CDK11A: variants seen among roughly 807,000 people sequenced by gnomAD.
The protein encoded by CDK11A is cyclin-dependent kinase 11A.
Under a neutral mutation model 83.6 loss-of-function variants are expected in CDK11A, and 55 were observed. That is an observed-to-expected ratio of 0.66 (90% CI 0.53 to 0.82). The LOEUF is 0.82. CDK11A is among the 40% of genes least tolerant of loss of function. The pLI, the probability that CDK11A is intolerant of heterozygous loss-of-function variation, is 0.00. For missense variants in CDK11A, 564 were observed against 810.1 expected (o/e 0.70, Z 3.69); for synonymous variants, 247 against 302.7 (o/e 0.82, Z 1.91).
chr1:1,720,258 C>A (rs1249644302), intron 3 of CDK11A, among the ~76,000 whole-genome samples: 2 of 150,190 alleles, frequency 1.3e-5, no homozygotes, highest in Admixed American at 1.3e-4. Context: ...CCACGCCCGG[C>A]TAATTTTTTT....
chr1:1,721,565 T>C (rs36039898), intron 3 of CDK11A, 31 bp downstream of exon 3: 1,427,637 of 1,593,386 alleles, frequency 0.9, 649,734 homozygotes, highest in Non-Finnish European at 0.93. Context: ...CTGTGTACAG[T>C]TGGGTCTTGC....
At position 1,704,633 on chromosome 1, in the gene CDK11A, A is replaced by G. The variant is rs1644239799; in HGVS notation, c.1481T>C (p.Met494Thr). 1.9e-6 allele frequency: 3 copies of G among 1,598,458 alleles called. No homozygotes were observed. The highest frequency in any genetic ancestry group is 2.6e-6 in the Non-Finnish European group (3 of 1,171,840). ...TVREIVVGSN[M>T]DKIYIVMNYV... is the part of the protein sequence containing the mutation. ...GTTCATCACGATGTAGATCTTGTCC[A>G]TGTTGCTGCCCACCACAATCTCCTG... The change falls in exon 14 of 20, where the codon ATG becomes ACG. Residue 494 changes from methionine (M) to threonine (T), a missense_variant. By Grantham distance (81) the Met-to-Thr change is moderately conservative (BLOSUM62 -1). Transcript: ENST00000404249.
At chr1:1,724,141 G>C (rs1297586849) in intron 1 of CDK11A, 117 bp downstream of exon 1, 1 of 149,930 alleles carries the variant, frequency 6.7e-6, no homozygotes, top group Non-Finnish European at 1.5e-5. Context: ...GCGGAAGCGA[G>C]GGTGTCGCTC....
chr1:1,720,757 T>C (rs1477186457), intron 3 of CDK11A, among the ~76,000 whole-genome samples: 1 of 149,256 alleles, frequency 6.7e-6, no homozygotes, highest in East Asian at 2.0e-4. Flanking sequence ...AGAGGCACAA[T>C]CTTGGCTCAC....
intron 9 of CDK11A, among the ~76,000 whole-genome samples, 161 bp from the exon 10 acceptor site, chr1:1,708,406 C>T (rs1390769705): frequency 6.7e-6 from 1 of 149,712 alleles, no homozygotes; most frequent in African/African-American, 2.5e-5. Flanking sequence ...TTTGGGAGGC[C>T]GAGGCGGGTG....
chr1:1,703,615 T>G lies in CDK11A; in HGVS notation c.1921A>C (p.Thr641Pro), dbSNP rs1644174144. 1.3e-6 allele frequency: 2 copies of G among 1,596,320 alleles called. No homozygotes were observed. Among genetic ancestry groups the G allele is most frequent in the African/African-American group, 1.4e-5 (1 of 70,844 alleles). ...CCGGGCCAGATTTTCTCACTGGGGG[T>G]CCCCAGCTCCTGAAAGACAGAGGTG... is the stretch of plus-strand genomic sequence containing the variant. ...QINKVFKELG[T>P]PSEKIWPGYS... The change falls in exon 18 of 20, where the codon ACC becomes CCC. Residue 641 changes from threonine (T) to proline (P), a missense_variant. This residue lies in a region of CDK11A where 361 missense variants were observed against 402.7 expected (regional missense o/e 0.90). Coordinates refer to ENST00000404249, the MANE Select transcript of CDK11A (RefSeq NM_024011.4).
At chr1:1,720,913 A>G (rs917120246) in intron 3 of CDK11A, among the ~76,000 whole-genome samples, 1 of 151,224 alleles carries the variant, frequency 6.6e-6, no homozygotes, top group Non-Finnish European at 1.5e-5. Context: ...GAAAGAGTAA[A>G]CCTCAATAGT....
intron 5 of CDK11A, among the ~76,000 whole-genome samples, chr1:1,715,594 G>A (rs1381090928): frequency 6.0e-5 from 9 of 149,236 alleles, no homozygotes; most frequent in Admixed American, 2.0e-4. Flanking sequence ...ACACCCTTCG[G>A]CATCAACAAG....
rs1031616302 is a variant in CDK11A at position 1,723,346 on chromosome 1, T to C, written c.-13-515A>G. ...GCGAAAACCCTGTCTCCACTAAAAA[T>C]ACAAAACTTAGCTGGGCGTGGTGGC... On this transcript the variant is annotated intron_variant, in intron 1 of 19. Coordinates refer to ENST00000404249, the MANE Select transcript of CDK11A (RefSeq NM_024011.4). Among the ~76,000 whole-genome samples the C allele has an allele frequency of 6.2e-5, 3 of 48,298 alleles. 1 individual carries two copies. The highest frequency in any genetic ancestry group is 1.4e-4 in the African/African-American group (3 of 20,768). The allele number at this position is 48,298 out of a possible 152,430, so 31.7% of individuals were successfully genotyped here.
chr1:1,716,421 TC>T lies in CDK11A; in HGVS notation c.412del (p.Glu138AsnfsTer32), dbSNP rs760416247. 6.2e-7 allele frequency: 1 copy of T among 1,608,576 alleles called. No individual in the cohort carries two copies. The highest frequency in any genetic ancestry group is 8.5e-7 in the Non-Finnish European group (1 of 1,176,198). The part of the protein sequence containing the change: ...EHERRKRHRE[E>X]QDKARREWER... ...CCATTCCCGGCGAGCTTTATCCTGT[TC>T]TTCTCGATGTCGTTTCCGACGTTCG... On this transcript the variant is annotated frameshift_variant, in exon 5 of 20. Coordinates refer to ENST00000404249, the MANE Select transcript of CDK11A (RefSeq NM_024011.4). LOFTEE classifies it high-confidence loss of function.
rs1286844011 is a variant in CDK11A at position 1,702,695 on chromosome 1, A to C, written c.*212T>G. 2 of 623,292 alleles carry C rather than the reference A, an allele frequency of 3.2e-6. No homozygotes were observed. The highest frequency in any genetic ancestry group is 3.6e-5 in the African/African-American group (2 of 55,166). The allele number at this position is 623,292 out of a possible 1,614,324, so 38.6% of individuals were successfully genotyped here. A position where few individuals can be genotyped will look rare whatever the true frequency, so the allele number is the denominator to read the frequency against. On this transcript the variant is annotated 3_prime_UTR_variant, in exon 20 of 20. Coordinates refer to ENST00000404249, the MANE Select transcript of CDK11A (RefSeq NM_024011.4). Reference sequence around the variant, plus strand: ...TGTGCTGCCCCACGTGGGCACCCGAAGATGCCCTGGCAAGTCACGGAGAAA... The same window carrying C: ...TGTGCTGCCCCACGTGGGCACCCGACGATGCCCTGGCAAGTCACGGAGAAA...
At chr1:1,721,370 G>A (rs1644900223) in intron 3 of CDK11A, among the ~76,000 whole-genome samples, 1 of 150,878 alleles carries the variant, frequency 6.6e-6, no homozygotes, top group Non-Finnish European at 1.5e-5. Flanking sequence ...GTAGCCCTAG[G>A]AAAGAGTAAA....
rs747870830 is a variant in CDK11A at position 1,719,453 on chromosome 1, C to G, written c.230G>C (p.Gly77Ala). The G allele has an allele frequency of 6.7e-7, 1 of 1,495,536 alleles. No individual in the cohort carries two copies. The highest frequency in any genetic ancestry group is 1.4e-5 in the African/African-American group (1 of 70,094). 92.6% of individuals were successfully genotyped at this position (1,495,536 alleles called of 1,614,324 possible). The change falls in exon 4 of 20, where the codon GGA becomes GCA. Residue 77 changes from glycine to alanine, a missense_variant and splice_region_variant. Physicochemically the swap from Gly to Ala is moderately conservative, Grantham distance 60 (BLOSUM62 0). Coordinates refer to ENST00000404249, the MANE Select transcript of CDK11A (RefSeq NM_024011.4). ...YRREDSMEDR[G>A]EEDDSLAIKP... The stretch of plus-strand genomic sequence containing the variant: ...GATGGCCAAAGAATCATCTTCTTCT[C>G]CTCTGAAATAAAACACAACAGCACT...
chr1:1,713,483 TTTTAA>T (rs949778006), intron 5 of CDK11A, among the ~76,000 whole-genome samples: 5 of 103,680 alleles, frequency 4.8e-5, no homozygotes, highest in East Asian at 2.8e-4. Context: ...TAGCATACCA[TTTTAA>T]TTTATTTGTA....
chr1:1,720,759 T>C (rs1218100408), intron 3 of CDK11A, among the ~76,000 whole-genome samples: 1 of 150,172 alleles, frequency 6.7e-6, no homozygotes, highest in East Asian at 2.0e-4. Flanking sequence ...AGGCACAATC[T>C]TGGCTCACTG....
At position 1,704,167 on chromosome 1, in the gene CDK11A, C is replaced by T. The variant is rs1391152131; in HGVS notation, c.1687-21G>A. On this transcript the variant is annotated intron_variant, in intron 15 of 19. Transcript: ENST00000404249. Reference sequence around the variant, plus strand: ...CCCACCTGCAACGACAGATGGGCGGCTGTGGGTGGGCCTGGGCGGGTCACC... The same window carrying T: ...CCCACCTGCAACGACAGATGGGCGGTTGTGGGTGGGCCTGGGCGGGTCACC... The T allele has an allele frequency of 3.7e-6, 6 of 1,607,162 alleles. 1 individual carries two copies. The highest frequency in any genetic ancestry group is 5.1e-6 in the Non-Finnish European group (6 of 1,176,080).
chr1:1,706,221 C>T (rs1159589913), intron 11 of CDK11A, among the ~76,000 whole-genome samples: 3 of 150,218 alleles, frequency 2.0e-5, no homozygotes, highest in African/African-American at 7.4e-5. Context: ...TATAGGTACG[C>T]ACCACCACGC....
In CDK11A at chr1:1,704,578, C is replaced by T. The variant is rs1570373268; in HGVS notation, c.1536G>A (p.Met512Ile). 1.2e-6 allele frequency: 2 copies of T among 1,604,574 alleles called. No individual in the cohort carries two copies. Reference protein sequence around the residue: ...NYVEHDLKSLMETMKQPFLPG... With the variant: ...NYVEHDLKSLIETMKQPFLPG... ...GCAGGAAGGGCTGTTTCATGGTCTC[C>T]ATCAGGCTCTTGAGGTCGTGCTCCA... Residue 512 changes from methionine to isoleucine, a missense_variant, in exon 14 of 20, where the codon ATG becomes ATA. Transcript: ENST00000404249.
chr1:1,716,814 C>CAAAAAAAAAAAAAA (rs1168780288), intron 4 of CDK11A, among the ~76,000 whole-genome samples: 2 of 76,674 alleles, frequency 2.6e-5, no homozygotes, highest in Non-Finnish European at 2.4e-5. Context: ...GACTCCATCT[C>CAAAAAAAAAAAAAA]AAAAAAAAAA....
Sources: allele counts gnomAD v4.1 joint callset (sites outside exome capture counted in the v4.1 genomes callset), GRCh38; gene constraint gnomAD v4.1.1; regional missense constraint gnomAD v4.1.1; transcripts MANE v1.5; gene names NCBI Gene and HGNC (gene_info 2026-07-23, HGNC 2026-07-21).